Variants in KIAA2012 observed in about 807,000 individuals in gnomAD.
KIAA2012 encodes uncharacterized protein KIAA2012.
KIAA2012 carries 125 observed loss-of-function variants against 150.6 expected under a neutral mutation model. The ratio of observed to expected loss-of-function variants is 0.83; its 90% confidence interval spans 0.72 to 0.96. The LOEUF (loss-of-function observed/expected upper bound fraction) is 0.96, where lower values mean the gene tolerates loss of function less well. KIAA2012 is among the 40% of genes least tolerant of loss of function. The pLI is 0.00. For synonymous variants in KIAA2012, 462 were observed against 504.7 expected (o/e 0.92, Z 1.13); for missense variants, 1,219 against 1,354.9 (o/e 0.90, Z 1.57).
intron 2 of KIAA2012, among the ~76,000 whole-genome samples, chr2:202,085,509 AT>A (rs1380234842): frequency 6.6e-6 from 1 of 152,170 alleles, no homozygotes; most frequent in African/African-American, 2.4e-5. Flanking sequence ...AAGCCAAGGA[AT>A]GAAGGTGGGG....
At chr2:202,091,465 T>G (rs1286388009) in intron 3 of KIAA2012, among the ~76,000 whole-genome samples, 1 of 152,154 alleles carries the variant, frequency 6.6e-6, no homozygotes, top group Non-Finnish European at 1.5e-5. Context: ...ATGGCGGCTC[T>G]CCAGCGCAAT....
intron 13 of KIAA2012, among the ~76,000 whole-genome samples, chr2:202,149,525 C>A (rs953242286): frequency 6.6e-6 from 1 of 152,206 alleles, no homozygotes; most frequent in African/African-American, 2.4e-5. Flanking sequence ...GCCTGTTCTC[C>A]GGCAGAATGA....
chr2:202,076,163 A>G (rs1689319805), intron 2 of KIAA2012, among the ~76,000 whole-genome samples: 5 of 152,206 alleles, frequency 3.3e-5, no homozygotes, highest in Admixed American at 3.3e-4. Context: ...GAGATAGCTC[A>G]TGCCTCCCTC....
chr2:202,154,254 G>A (rs963346349), intron 13 of KIAA2012, among the ~76,000 whole-genome samples: 1 of 152,166 alleles, frequency 6.6e-6, no homozygotes, highest in Non-Finnish European at 1.5e-5. Context: ...CACTATATAA[G>A]TATCAAAAAT....
At chr2:202,175,829 A>AAT (rs1205672933) in intron 15 of KIAA2012, among the ~76,000 whole-genome samples, 4 of 152,246 alleles carry the variant, frequency 2.6e-5, no homozygotes, top group Non-Finnish European at 5.9e-5. Flanking sequence ...TGCCCTGACA[A>AAT]ATATAAAAAC....
chr2:202,098,151 G>A (rs1469622342), intron 5 of KIAA2012, among the ~76,000 whole-genome samples: 1 of 152,192 alleles, frequency 6.6e-6, no homozygotes, highest in East Asian at 1.9e-4. Context: ...CCTGAGGCCA[G>A]GAGTTCGAGA....
At chr2:202,152,144 CT>C (rs1472409625) in intron 13 of KIAA2012, among the ~76,000 whole-genome samples, 30 of 152,000 alleles carry the variant, frequency 2.0e-4, no homozygotes, top group Non-Finnish European at 3.5e-4. Context: ...TATGTTTAAT[CT>C]TTTTTTTCCT....
chr2:202,184,922 T>C, intron 16 of KIAA2012, 79 bp downstream of exon 16: 5 of 1,216,916 alleles, frequency 4.1e-6, no homozygotes, highest in East Asian at 2.8e-5. Context: ...AGTTTGGTTT[T>C]TTTTCAGACA....
intron 20 of KIAA2012, among the ~76,000 whole-genome samples, chr2:202,193,804 A>C (rs1306455892): frequency 1.3e-5 from 2 of 152,190 alleles, no homozygotes; most frequent in African/African-American, 4.8e-5. Context: ...AGGCTCTGAG[A>C]TTCAGTCCAG....
At chr2:202,126,448 G>C (rs757508153) in intron 12 of KIAA2012, among the ~76,000 whole-genome samples, 3 of 152,238 alleles carry the variant, frequency 2.0e-5, no homozygotes, top group African/African-American at 2.4e-5. Context: ...TGTAAGCAGA[G>C]AAATATCTGG....
intron 13 of KIAA2012, among the ~76,000 whole-genome samples, chr2:202,146,750 G>T (rs1691310886): frequency 6.6e-6 from 1 of 152,026 alleles, no homozygotes; most frequent in Non-Finnish European, 1.5e-5. Context: ...AGTGAGCCAT[G>T]GTCATACGAC....
chr2:202,140,832 G>A (rs932885461), intron 13 of KIAA2012, among the ~76,000 whole-genome samples: 2 of 152,102 alleles, frequency 1.3e-5, no homozygotes, highest in Non-Finnish European at 2.9e-5. Flanking sequence ...TCACAATACT[G>A]ATCTTAGCAG....
At chr2:202,094,728 A>G (rs1445344289) in intron 4 of KIAA2012, among the ~76,000 whole-genome samples, 3 of 152,220 alleles carry the variant, frequency 2.0e-5, no homozygotes, top group South Asian at 2.1e-4. Context: ...CATGTTGCCC[A>G]GGCTGGTTTC....
intron 22 of KIAA2012, chr2:202,197,862 T>TAAA (rs71025286): frequency 2.3e-4 from 26 of 114,108 alleles, no homozygotes; most frequent in South Asian, 5.9e-4. Flanking sequence ...AGACTCTCTT[T>TAAA]AAAAAAAAAA....
In KIAA2012 at chr2:202,182,430, G is replaced by A. The variant is rs570739649; in HGVS notation, c.2120-2323G>A. ...CCCAGCCAGCCATATGTACTTTTTC[G>A]TATGATTTCTTTCACTCAACATAAT... On this transcript the variant is annotated intron_variant, in intron 15 of 23. Coordinates refer to ENST00000498697, the MANE Select transcript of KIAA2012 (RefSeq NM_001277372.4). Among the ~76,000 whole-genome samples, 14 of 151,972 alleles carry A rather than the reference G, an allele frequency of 9.2e-5. 2 individuals are homozygous for A. Among genetic ancestry groups the A allele is most frequent in the South Asian group, 2.1e-4 (1 of 4,804 alleles).
At chr2:202,107,940 C>G (rs978018509) in intron 9 of KIAA2012, among the ~76,000 whole-genome samples, 2 of 152,068 alleles carry the variant, frequency 1.3e-5, no homozygotes, top group Non-Finnish European at 1.5e-5. Context: ...ATCCAGGAGA[C>G]GGAGGTTGCA....
At chr2:202,179,982 T>A in intron 15 of KIAA2012, 2 of 704,926 alleles carry the variant, frequency 2.8e-6, no homozygotes, top group South Asian at 2.8e-5. Context: ...ATTACTTGGC[T>A]GCCAGCCGGG....
chr2:202,181,514 C>G (rs1692121249), intron 15 of KIAA2012, among the ~76,000 whole-genome samples: 1 of 151,778 alleles, frequency 6.6e-6, no homozygotes, highest in Non-Finnish European at 1.5e-5. Flanking sequence ...CCCGGGAGTT[C>G]AAAGTTACAG....
chr2:202,116,652 C>G (rs1690535610), intron 11 of KIAA2012: 2 of 151,934 alleles, frequency 1.3e-5, no homozygotes, highest in East Asian at 1.9e-4. Context: ...TAGCATCCTT[C>G]CCCCTTGCAA....
Sources: allele counts gnomAD v4.1 joint callset (sites outside exome capture counted in the v4.1 genomes callset), GRCh38; gene constraint gnomAD v4.1.1; transcripts MANE v1.5; gene names NCBI Gene and HGNC (gene_info 2026-07-23, HGNC 2026-07-21).